Variants in AHCYL2 observed in about 807,000 individuals in gnomAD.
AHCYL2 encodes adenosylhomocysteinase like 2.
AHCYL2 carries 28 observed loss-of-function variants against 81.4 expected under a neutral mutation model. The observed-to-expected ratio is 0.34, with a 90% CI of 0.25 to 0.47. AHCYL2 has a LOEUF of 0.47. AHCYL2 is among the 20% of genes least tolerant of loss of function. The pLI, the probability that AHCYL2 is intolerant of heterozygous loss-of-function variation, is 1.00. For missense variants in AHCYL2, 551 were observed against 785.1 expected, an observed-to-expected ratio of 0.70 and a Z score of 3.56; for synonymous variants, 272 against 290.2, an observed-to-expected ratio of 0.94 and a Z score of 0.64.
chr7:129,339,507 AT>A, intron 1 of AHCYL2, among the ~76,000 whole-genome samples: 1 of 152,184 alleles, frequency 6.6e-6, no homozygotes, highest in East Asian at 1.9e-4. Context: ...CATGCCTTTA[AT>A]GCAGCCATTA....
chr7:129,346,179 T>C lies in AHCYL2; in HGVS notation c.364-33459T>C, dbSNP rs536532889. On this transcript the variant is annotated intron_variant, in intron 1 of 16. Transcript: ENST00000325006. ...TGGTTTTGTTCCTTTTCCTTCAGTA[T>C]TGTGTCTCCTTTTTCAAATAAATCC... 1.2e-4 allele frequency among the ~76,000 whole-genome samples: 18 copies of C among 152,276 alleles called. No individual in the cohort carries two copies. In the East Asian group the frequency reaches 3.3e-3, roughly 28 times the overall value.
At chr7:129,376,173 A>G (rs1025486080) in intron 1 of AHCYL2, among the ~76,000 whole-genome samples, 2 of 152,164 alleles carry the variant, frequency 1.3e-5, no homozygotes, top group Admixed American at 1.3e-4. Context: ...AAGGTAGGAA[A>G]GTTAGGGGTA....
At chr7:129,267,916 G>A (rs1178454842) in intron 1 of AHCYL2, among the ~76,000 whole-genome samples, 1 of 152,022 alleles carries the variant, frequency 6.6e-6, no homozygotes, top group Non-Finnish European at 1.5e-5. Context: ...TTATTTAAAA[G>A]TACCTATAAC....
chr7:129,283,258 C>A, intron 1 of AHCYL2: 1 of 420,822 alleles, frequency 2.4e-6, no homozygotes, highest in South Asian at 1.7e-5. Flanking sequence ...CATTAAACTG[C>A]ACCTTGGAAA....
At chr7:129,401,791 C>T (rs185778953) in intron 6 of AHCYL2, among the ~76,000 whole-genome samples, 21 of 152,224 alleles carry the variant, frequency 1.4e-4, no homozygotes, top group African/African-American at 4.6e-4. Context: ...AGGATTATAC[C>T]TGGAGAACTT....
intron 1 of AHCYL2, among the ~76,000 whole-genome samples, chr7:129,292,932 TAGTA>T (rs748301548): frequency 3.3e-5 from 5 of 152,188 alleles, no homozygotes; most frequent in African/African-American, 9.6e-5. Context: ...TTGGGAATGA[TAGTA>T]AGAGGAGTAA....
At chr7:129,246,062 G>GTTTT (rs71162581) in intron 1 of AHCYL2, among the ~76,000 whole-genome samples, 1 of 140,780 alleles carries the variant, frequency 7.1e-6, no homozygotes, top group Non-Finnish European at 1.6e-5. Flanking sequence ...TGTTGGATTT[G>GTTTT]TTTTTTTTTT....
intron 2 of AHCYL2, chr7:129,388,743 C>T (rs1795315545): frequency 8.3e-6 from 2 of 241,150 alleles, no homozygotes; most frequent in East Asian, 9.7e-5. Flanking sequence ...TTAATGACCA[C>T]GATCTTGCAT....
In AHCYL2 at chr7:129,429,784, G is replaced by C. The variant is rs1272559684; in HGVS notation, c.*2739G>C. ...CCCTCCCTATCCTACTTGCCCATAT[G>C]AGCACGGCTCCCCATGGCCACATAC... is the stretch of plus-strand genomic sequence containing the variant. On this transcript the variant is annotated 3_prime_UTR_variant, in exon 17 of 17. Coordinates refer to ENST00000325006, the MANE Select transcript of AHCYL2 (RefSeq NM_015328.4). The C allele has an allele frequency of 6.6e-6, 1 of 152,474 alleles. No individual in the cohort carries two copies. The highest frequency in any genetic ancestry group is 1.5e-5 in the Non-Finnish European group (1 of 68,040). 9.4% of individuals were successfully genotyped at this position (152,474 alleles called of 1,614,324 possible).
intron 1 of AHCYL2, among the ~76,000 whole-genome samples, chr7:129,376,967 T>TA (rs560193691): frequency 1.4e-3 from 214 of 152,332 alleles, no homozygotes; most frequent in African/African-American, 5.1e-3. Context: ...TTTTTGCCCT[T>TA]AAAAATCATT....
intron 1 of AHCYL2, among the ~76,000 whole-genome samples, chr7:129,287,834 A>G (rs1023847168): frequency 6.6e-6 from 1 of 152,154 alleles, no homozygotes; most frequent in African/African-American, 2.4e-5. Flanking sequence ...ATAATGGAAA[A>G]TGTCGATCAT....
At chr7:129,226,573 G>A (rs1794228903) in intron 1 of AHCYL2, among the ~76,000 whole-genome samples, 1 of 152,218 alleles carries the variant, frequency 6.6e-6, no homozygotes, top group Non-Finnish European at 1.5e-5. Context: ...GTTTTACTGT[G>A]TGGGACCAGC....
intron 1 of AHCYL2, among the ~76,000 whole-genome samples, chr7:129,262,806 G>T (rs984649451): frequency 2.0e-5 from 3 of 152,128 alleles, no homozygotes; most frequent in East Asian, 1.9e-4. Flanking sequence ...GGGGGGCTTA[G>T]AATTTTATTT....
intron 1 of AHCYL2, among the ~76,000 whole-genome samples, chr7:129,281,358 C>A (rs1002000927): frequency 1.3e-5 from 2 of 152,004 alleles, no homozygotes; most frequent in South Asian, 4.1e-4. Flanking sequence ...TAGGATAATG[C>A]TGACATCATA....
intron 1 of AHCYL2, among the ~76,000 whole-genome samples, chr7:129,296,311 A>G (rs751581124): frequency 3.9e-5 from 6 of 152,266 alleles, no homozygotes; most frequent in African/African-American, 1.2e-4. Flanking sequence ...TATTCCATCA[A>G]CCACAGACTT....
chr7:129,281,565 C>T (rs190918540), intron 1 of AHCYL2, among the ~76,000 whole-genome samples: 5 of 141,446 alleles, frequency 3.5e-5, no homozygotes, highest in East Asian at 4.2e-4. Flanking sequence ...GGCGTGATCT[C>T]GGCTCACTGC....
At chr7:129,366,844 G>A (rs1209365254) in intron 1 of AHCYL2, among the ~76,000 whole-genome samples, 1 of 151,906 alleles carries the variant, frequency 6.6e-6, no homozygotes, top group Non-Finnish European at 1.5e-5. Context: ...TCATGACACA[G>A]CCTCAGGAGG....
chr7:129,420,636 T>C (rs1297363406), intron 12 of AHCYL2, among the ~76,000 whole-genome samples: 1 of 151,852 alleles, frequency 6.6e-6, no homozygotes, highest in African/African-American at 2.4e-5. Flanking sequence ...CACGCCAACA[T>C]GCCCAGCTAA....
chr7:129,412,473 G>A (rs1021886063), intron 11 of AHCYL2, among the ~76,000 whole-genome samples: 2 of 151,620 alleles, frequency 1.3e-5, no homozygotes, highest in Admixed American at 1.3e-4. Flanking sequence ...TAGAGACAGG[G>A]TTTCACCATG....
Sources: gnomAD v4.1 joint callset for allele counts (sites outside exome capture counted in the v4.1 genomes callset) on GRCh38, gnomAD v4.1.1 for gene constraint, MANE v1.5 for transcripts, NCBI Gene and HGNC (gene_info 2026-07-23, HGNC 2026-07-21) for gene names.